Variants in NEK1 observed in about 807,000 individuals in gnomAD.
NEK1 encodes NIMA related kinase 1, also known as serine/threonine-protein kinase Nek1.
In NEK1, 137 loss-of-function variants were observed where a neutral mutation model predicts 182.1. The ratio of observed to expected loss-of-function variants is 0.75; its 90% confidence interval spans 0.65 to 0.87. The LOEUF (loss-of-function observed/expected upper bound fraction) is 0.87. Ranked by LOEUF, NEK1 falls within the 40% of genes least tolerant of loss-of-function variation. The probability of loss-of-function intolerance (pLI) is 0.00; values close to 1 mark genes in which losing one functional copy is unlikely to be tolerated. For synonymous variants in NEK1, 513 were observed against 492.2 expected (o/e 1.04, Z -0.56); for missense variants, 1,391 against 1,494.4 (o/e 0.93, Z 1.14).
chr4:169,407,246 G>A (rs1732811200), intron 31 of NEK1, among the ~76,000 whole-genome samples: 1 of 152,126 alleles, frequency 6.6e-6, no homozygotes, highest in South Asian at 2.1e-4. Context: ...GCCCCACACA[G>A]TCTTGCCCAA....
At chr4:169,409,428 G>C (rs893039938) in intron 31 of NEK1, among the ~76,000 whole-genome samples, 7 of 151,652 alleles carry the variant, frequency 4.6e-5, no homozygotes, top group Non-Finnish European at 8.8e-5. Context: ...ACAGGCGTGA[G>C]CCACCGCGCC....
chr4:169,564,561 C>T (rs911351672), intron 12 of NEK1, among the ~76,000 whole-genome samples: 3 of 152,082 alleles, frequency 2.0e-5, no homozygotes, highest in South Asian at 4.2e-4. Flanking sequence ...AAACATGACC[C>T]TCACATCATT....
intron 19 of NEK1, among the ~76,000 whole-genome samples, chr4:169,514,790 GAGTC>G (rs1317625228): frequency 6.6e-6 from 1 of 152,092 alleles, no homozygotes; most frequent in South Asian, 2.1e-4. Flanking sequence ...ATGTTTCTAA[GAGTC>G]AGTTTTTTGT....
chr4:169,450,574 A>G (rs1238792849), intron 27 of NEK1, among the ~76,000 whole-genome samples: 2 of 152,216 alleles, frequency 1.3e-5, no homozygotes, highest in African/African-American at 4.8e-5. Context: ...ATATCCAGCC[A>G]AACTAAGTTT....
rs1045217433 is a variant in NEK1 at position 169,507,037 on chromosome 4, A to C, written c.2007T>G (p.His669Gln). 1.2e-6 allele frequency: 2 copies of C among 1,601,574 alleles called. No homozygotes were observed. Among genetic ancestry groups the C allele is most frequent in the South Asian group, 2.2e-5 (2 of 89,340 alleles). The change falls in exon 23 of 36, where the codon CAT (histidine) becomes CAG (glutamine). Residue 669 changes from histidine to glutamine, a missense_variant and splice_region_variant. Around this residue, in one of 5 missense-constraint regions of NEK1, gnomAD observed 1,216 missense variants for 1,277.6 expected, o/e 0.95. Transcript: ENST00000507142. ...YEREKKVWEE[H>Q]LVAKGVKSSD... ...ATTAAGAATATGAGCTAAATCTTAC[A>C]TGCTCTTCCCACACTTTTTTTTCTC...
At chr4:169,463,704 A>G (rs1744409617) in intron 26 of NEK1, among the ~76,000 whole-genome samples, 1 of 152,190 alleles carries the variant, frequency 6.6e-6, no homozygotes, top group African/African-American at 2.4e-5. Context: ...TGGGGCCAGA[A>G]GTGTTTTGGA....
intron 19 of NEK1, among the ~76,000 whole-genome samples, chr4:169,533,996 A>C (rs1353568879): frequency 1.3e-5 from 2 of 152,240 alleles, no homozygotes; most frequent in Admixed American, 1.3e-4. Flanking sequence ...GTTATGAGAA[A>C]GGAAAGAATT....
chr4:169,503,006 C>T (rs1752659689), intron 23 of NEK1, among the ~76,000 whole-genome samples: 1 of 152,022 alleles, frequency 6.6e-6, no homozygotes, highest in African/African-American at 2.4e-5. Context: ...GACTCCTAGA[C>T]TTGATGAGTG....
intron 26 of NEK1, among the ~76,000 whole-genome samples, chr4:169,469,826 GGATA>G (rs1207517808): frequency 1.3e-5 from 2 of 152,036 alleles, no homozygotes; most frequent in East Asian, 3.8e-4. Flanking sequence ...TATATATTTA[GGATA>G]GTTAGAGCTT....
intron 2 of NEK1, among the ~76,000 whole-genome samples, chr4:169,610,295 T>A (rs1772102467): frequency 6.6e-6 from 1 of 150,394 alleles, no homozygotes; most frequent in South Asian, 2.1e-4. Context: ...AGCCACAGCG[T>A]CTGACCCAGA....
intron 27 of NEK1, among the ~76,000 whole-genome samples, chr4:169,460,170 G>T (rs1579847639): frequency 6.6e-6 from 1 of 151,942 alleles, no homozygotes; most frequent in Non-Finnish European, 1.5e-5. Flanking sequence ...ATTTTGCTAC[G>T]TGTATTAGTC....
chr4:169,498,274 CCTTT>C (rs1185331059), intron 23 of NEK1, among the ~76,000 whole-genome samples: 11 of 152,102 alleles, frequency 7.2e-5, no homozygotes, highest in African/African-American at 2.7e-4. Flanking sequence ...TTCCTCCATC[CCTTT>C]ATTTTGAGCC....
intron 31 of NEK1, among the ~76,000 whole-genome samples, chr4:169,424,075 T>C (rs184039477): frequency 2.0e-5 from 3 of 152,328 alleles, no homozygotes; most frequent in Admixed American, 6.5e-5. Flanking sequence ...TCTGTAGAGA[T>C]ATTTTTTATA....
intron 22 of NEK1, 55 bp from the exon 23 acceptor site, chr4:169,507,187 T>G: frequency 2.1e-6 from 2 of 953,424 alleles, no homozygotes; most frequent in South Asian, 1.8e-5. Flanking sequence ...GCAGAGGTTT[T>G]TTTTTTTTTT....
chr4:169,530,234 A>G (rs1232542911), intron 19 of NEK1, among the ~76,000 whole-genome samples: 2 of 152,214 alleles, frequency 1.3e-5, no homozygotes, highest in Non-Finnish European at 2.9e-5. Context: ...ATATCATTAC[A>G]GTGCAGGAAA....
intron 23 of NEK1, among the ~76,000 whole-genome samples, chr4:169,491,030 C>A (rs1427178599): frequency 2.7e-5 from 4 of 148,772 alleles, no homozygotes; most frequent in African/African-American, 5.0e-5. Flanking sequence ...GTAGTCCCAG[C>A]TACTTGGGAG....
chr4:169,485,313 T>G (rs1191095835), intron 23 of NEK1, among the ~76,000 whole-genome samples: 1 of 152,196 alleles, frequency 6.6e-6, no homozygotes, highest in Non-Finnish European at 1.5e-5. Context: ...AGAAGACAAC[T>G]AAGTTACTGA....
rs141337752 is a variant in NEK1 at position 169,578,081 on chromosome 4, A to G, written c.869-1002T>C. Among the ~76,000 whole-genome samples, 13 of 152,342 alleles carry G rather than the reference A, an allele frequency of 8.5e-5. No individual in the cohort carries two copies. The East Asian group carries it at 2.5e-3, about 29-fold the overall frequency. ...AATTGATTATTAAAGAAATAATCAG[A>G]GAAACTCCATGCACAAGAATAAACC... is the stretch of plus-strand genomic sequence containing the variant. On this transcript the variant is annotated intron_variant, in intron 11 of 35. Coordinates refer to ENST00000507142, the MANE Select transcript of NEK1 (RefSeq NM_001199397.3).
chr4:169,545,773 G>A (rs1447234533), intron 18 of NEK1, among the ~76,000 whole-genome samples: 1 of 151,988 alleles, frequency 6.6e-6, no homozygotes, highest in Non-Finnish European at 1.5e-5. Flanking sequence ...TCTCATAGTG[G>A]TTTTGATTTG....
Sources: allele counts gnomAD v4.1 joint callset (sites outside exome capture counted in the v4.1 genomes callset), GRCh38; gene constraint gnomAD v4.1.1; regional missense constraint gnomAD v4.1.1; transcripts MANE v1.5; gene names NCBI Gene and HGNC (gene_info 2026-07-23, HGNC 2026-07-21).